The following AEBP2 variants were observed in gnomAD, a reference collection of about 807,000 sequenced individuals.
The protein encoded by AEBP2 is AE binding protein 2, also known as zinc finger protein AEBP2.
A neutral mutation model predicts 50.8 loss-of-function variants in AEBP2; 10 were observed. The ratio of observed to expected loss-of-function variants is 0.20; its 90% CI spans 0.12 to 0.33. AEBP2 has a LOEUF of 0.33. Ranked by LOEUF, AEBP2 falls within the 10% of genes least tolerant of loss-of-function variation. AEBP2 has a pLI of 1.00. For missense variants in AEBP2, 570 were observed against 688.0 expected, an observed-to-expected ratio of 0.83 and a Z score of 1.92; for synonymous variants, 296 against 261.3, an observed-to-expected ratio of 1.13 and a Z score of -1.28.
chr12:19,441,992 G>T (rs1947969326), intron 1 of AEBP2, among the ~76,000 whole-genome samples: 1 of 152,160 alleles, frequency 6.6e-6, no homozygotes, highest in African/African-American at 2.4e-5. Flanking sequence ...TTTAACAGAT[G>T]AAGAAGCAAG....
intron 1 of AEBP2, among the ~76,000 whole-genome samples, chr12:19,411,264 C>G (rs1288116571): frequency 6.6e-6 from 1 of 152,202 alleles, no homozygotes; most frequent in Non-Finnish European, 1.5e-5. Flanking sequence ...TCACTCTTAG[C>G]TGGAGTGTTA....
chr12:19,513,719 T>G (rs80174306), intron 6 of AEBP2, among the ~76,000 whole-genome samples: 7,448 of 152,206 alleles, frequency 0.049, 401 homozygotes, highest in Admixed American at 0.15. Flanking sequence ...GCCGTGATTG[T>G]ACCACTGCAA....
chr12:19,442,898 T>G (rs539973930), intron 1 of AEBP2, among the ~76,000 whole-genome samples: 1 of 152,342 alleles, frequency 6.6e-6, no homozygotes. Flanking sequence ...TATAGGTTGA[T>G]TTCATGGTAA....
intron 3 of AEBP2, among the ~76,000 whole-genome samples, chr12:19,493,295 G>A (rs1295813176): frequency 1.3e-5 from 2 of 152,094 alleles, no homozygotes; most frequent in African/African-American, 4.8e-5. Flanking sequence ...CAGCTACTCG[G>A]GAGGCTGAGG....
intron 5 of AEBP2, among the ~76,000 whole-genome samples, chr12:19,509,555 G>A (rs1375245923): frequency 6.6e-6 from 1 of 152,058 alleles, no homozygotes; most frequent in East Asian, 1.9e-4. Context: ...ATACCAGCCT[G>A]GGCAAAATGG....
chr12:19,458,711 T>C (rs1344763716), intron 1 of AEBP2, among the ~76,000 whole-genome samples: 1 of 152,200 alleles, frequency 6.6e-6, no homozygotes, highest in Non-Finnish European at 1.5e-5. Flanking sequence ...TATAAATCTC[T>C]CTTAACCTTA....
chr12:19,483,009 C>A (rs1948753075), intron 3 of AEBP2, among the ~76,000 whole-genome samples: 1 of 152,192 alleles, frequency 6.6e-6, no homozygotes, highest in Admixed American at 6.5e-5. Context: ...CCTCGCCCCT[C>A]CCCGTCTGCC....
chr12:19,465,791 C>CTTTTTTTTTTTTTTTTTTTTTTTTT (rs11284427), intron 2 of AEBP2, among the ~76,000 whole-genome samples: 1 of 107,686 alleles, frequency 9.3e-6, no homozygotes. Flanking sequence ...ATTGTTTTTT[C>CTTTTTTTTTTTTTTTTTTTTTTTTT]TTTTTTTTTT....
At chr12:19,431,721 T>C (rs1490789865) in intron 1 of AEBP2, among the ~76,000 whole-genome samples, 1 of 152,184 alleles carries the variant, frequency 6.6e-6, no homozygotes, top group Non-Finnish European at 1.5e-5. Flanking sequence ...AAAACTTGCA[T>C]CAGATTTCTA....
intron 3 of AEBP2, among the ~76,000 whole-genome samples, chr12:19,478,370 AC>A (rs1365563158): frequency 6.6e-6 from 1 of 152,046 alleles, no homozygotes; most frequent in African/African-American, 2.4e-5. Flanking sequence ...ATCTCAGCTC[AC>A]TGCAACCTCT....
chr12:19,473,106 A>G (rs979158666), intron 2 of AEBP2, 142 bp from the exon 3 acceptor site: 2 of 334,502 alleles, frequency 6.0e-6, no homozygotes, highest in African/African-American at 4.4e-5. Flanking sequence ...CAGTTTATGT[A>G]TATTAAGCAT....
At chr12:19,434,174 A>G (rs2095753036) in intron 1 of AEBP2, among the ~76,000 whole-genome samples, 1 of 146,592 alleles carries the variant, frequency 6.8e-6, no homozygotes, top group Admixed American at 6.8e-5. Flanking sequence ...TTAGATTAGT[A>G]ATTTTTTTTT....
At chr12:19,504,441 C>T (rs979537158) in intron 5 of AEBP2, among the ~76,000 whole-genome samples, 9 of 151,612 alleles carry the variant, frequency 5.9e-5, no homozygotes, top group Admixed American at 3.3e-4. Flanking sequence ...GGGATTTCAC[C>T]GTGTTAGCAA....
chr12:19,480,588 T>C (rs960146526), intron 3 of AEBP2, among the ~76,000 whole-genome samples: 2 of 144,244 alleles, frequency 1.4e-5, no homozygotes, highest in Admixed American at 6.9e-5. Context: ...CTGATAATTA[T>C]TGTTTCAGGC....
At chr12:19,428,285 A>G (rs1019264830) in intron 1 of AEBP2, among the ~76,000 whole-genome samples, 28 of 152,162 alleles carry the variant, frequency 1.8e-4, no homozygotes, top group African/African-American at 6.5e-4. Context: ...CTCCCTTACA[A>G]AATGTCTGAG....
intron 2 of AEBP2, among the ~76,000 whole-genome samples, chr12:19,468,082 TTGG>T (rs1948509555): frequency 6.6e-6 from 1 of 151,196 alleles, no homozygotes; most frequent in Non-Finnish European, 1.5e-5. Flanking sequence ...AAAATTGGGC[TTGG>T]TGGTACCGTG....
chr12:19,446,746 A>G (rs1405489478), intron 1 of AEBP2, among the ~76,000 whole-genome samples: 1 of 151,654 alleles, frequency 6.6e-6, no homozygotes, highest in African/African-American at 2.4e-5. Flanking sequence ...AAAAAAAAAA[A>G]AAAAAGATCT....
intron 5 of AEBP2, 78 bp downstream of exon 5, chr12:19,500,299 C>A: frequency 7.8e-7 from 1 of 1,277,632 alleles, no homozygotes. Flanking sequence ...CTAAATCTCT[C>A]AAAATCTAAG....
intron 4 of AEBP2, among the ~76,000 whole-genome samples, chr12:19,497,729 C>A (rs1023713817): frequency 2.0e-5 from 3 of 152,170 alleles, no homozygotes; most frequent in African/African-American, 7.2e-5. Context: ...CCTGCCTTGG[C>A]CTCCCAAAGT....
Sources: allele counts gnomAD v4.1 joint callset (sites outside exome capture counted in the v4.1 genomes callset), GRCh38; gene constraint gnomAD v4.1.1; transcripts MANE v1.5; gene names NCBI Gene and HGNC (gene_info 2026-07-23, HGNC 2026-07-21).